Variants in FHIT observed in about 807,000 individuals in gnomAD.
FHIT encodes fragile histidine triad diadenosine triphosphatase, also known as bis(5'-adenosyl)-triphosphatase.
In FHIT, 19 loss-of-function variants were observed where a neutral mutation model predicts 17.9. The ratio of observed to expected loss-of-function variants is 1.06; its 90% CI spans 0.74 to 1.56. FHIT has a LOEUF of 1.56. Among genes scored for constraint, FHIT ranks in the 40% most tolerant of loss-of-function variants. The pLI, the probability that FHIT is intolerant of heterozygous loss-of-function variation, is 0.00. For synonymous variants in FHIT, 81 were observed against 69.7 expected (o/e 1.16, Z -0.81); for missense variants, 248 against 189.2 (o/e 1.31, Z -1.82).
chr3:60,346,296 A>T (rs1420168231), intron 5 of FHIT, among the ~76,000 whole-genome samples: 1 of 152,216 alleles, frequency 6.6e-6, no homozygotes, highest in East Asian at 1.9e-4. Flanking sequence ...AAATAACAAC[A>T]TGGTAAGGAT....
intron 5 of FHIT, among the ~76,000 whole-genome samples, chr3:60,448,060 G>A (rs998848460): frequency 1.3e-5 from 2 of 152,130 alleles, no homozygotes; most frequent in East Asian, 1.9e-4. Context: ...TATTATGTAG[G>A]TAGCTCAAGA....
intron 8 of FHIT, among the ~76,000 whole-genome samples, chr3:59,851,792 G>A (rs912080917): frequency 2.0e-5 from 3 of 152,142 alleles, no homozygotes; most frequent in African/African-American, 7.2e-5. Context: ...TCTTCTTGGA[G>A]GTGTTATTTT....
intron 5 of FHIT, among the ~76,000 whole-genome samples, chr3:60,462,570 G>A (rs537606155): frequency 1.3e-5 from 2 of 152,162 alleles, no homozygotes; most frequent in African/African-American, 4.8e-5. Context: ...CGGAAAGCAG[G>A]GTAGTGAAGA....
chr3:59,931,363 G>A (rs1460889466), intron 7 of FHIT, among the ~76,000 whole-genome samples: 4 of 152,088 alleles, frequency 2.6e-5, no homozygotes, highest in Non-Finnish European at 5.9e-5. Context: ...GTCGAGTCAA[G>A]GGTCAGCATG....
At chr3:60,438,873 C>G (rs551178298) in intron 5 of FHIT, among the ~76,000 whole-genome samples, 27 of 152,096 alleles carry the variant, frequency 1.8e-4, no homozygotes, top group Non-Finnish European at 3.7e-4. Context: ...CAATCTAGTT[C>G]CATCACCTCA....
chr3:60,238,534 T>A (rs1318638712), intron 5 of FHIT, among the ~76,000 whole-genome samples: 1 of 151,220 alleles, frequency 6.6e-6, no homozygotes, highest in Non-Finnish European at 1.5e-5. Context: ...AATAAAAGAT[T>A]AAAACATTTC....
intron 5 of FHIT, among the ~76,000 whole-genome samples, chr3:60,292,332 G>A (rs1280259884): frequency 1.3e-5 from 2 of 152,188 alleles, no homozygotes; most frequent in East Asian, 1.9e-4. Flanking sequence ...TACTGTAGTC[G>A]GATATCATCT....
Position 59,747,764 on chromosome 3 carries a change from C to T in FHIT, c.*1821G>A, listed in dbSNP as rs1293189066. ...GCTGACTCTTTGGTTTTCCCCCATG[C>T]ACCTTGTCTTCTTGATATGCCTGCA... On this transcript the variant is annotated 3_prime_UTR_variant, in exon 10 of 10. Coordinates refer to ENST00000492590, the MANE Select transcript of FHIT (RefSeq NM_002012.4). 6.6e-6 allele frequency among the ~76,000 whole-genome samples: 1 copy of T among 151,412 alleles called. No homozygotes were observed. The highest frequency in any genetic ancestry group is 6.6e-5 in the Admixed American group (1 of 15,232).
intron 4 of FHIT, among the ~76,000 whole-genome samples, chr3:60,723,369 A>G (rs1553708596): frequency 6.6e-6 from 1 of 152,152 alleles, no homozygotes; most frequent in Non-Finnish European, 1.5e-5. Context: ...CCCTACACTA[A>G]TATGACATTT....
chr3:60,122,282 A>T (rs1705293943), intron 5 of FHIT, among the ~76,000 whole-genome samples: 1 of 152,188 alleles, frequency 6.6e-6, no homozygotes, highest in African/African-American at 2.4e-5. Flanking sequence ...ACATCAACAG[A>T]TAAGATCCTA....
At chr3:60,013,904 AAAC>A in intron 6 of FHIT, 100 bp downstream of exon 6, 2 of 1,235,310 alleles carry the variant, frequency 1.6e-6, no homozygotes, top group Admixed American at 2.1e-5. Context: ...CCTAAAATAC[AAAC>A]AATCACATCT....
At chr3:60,997,508 G>A (rs981945823) in intron 3 of FHIT, among the ~76,000 whole-genome samples, 4 of 152,158 alleles carry the variant, frequency 2.6e-5, no homozygotes, top group Non-Finnish European at 4.4e-5. Flanking sequence ...GAGTGTTGAG[G>A]GGGGTGTGGA....
intron 8 of FHIT, among the ~76,000 whole-genome samples, chr3:59,809,405 G>A (rs1402684475): frequency 6.6e-6 from 1 of 152,222 alleles, no homozygotes; most frequent in Non-Finnish European, 1.5e-5. Context: ...GCATGATTCT[G>A]CTGACACTTT....
chr3:60,459,872 T>C (rs1026486729), intron 5 of FHIT, among the ~76,000 whole-genome samples: 12 of 152,118 alleles, frequency 7.9e-5, no homozygotes, highest in African/African-American at 2.7e-4. Flanking sequence ...TCAAATATAT[T>C]GGGGTTGGGG....
At chr3:60,258,798 G>GA (rs1174510613) in intron 5 of FHIT, among the ~76,000 whole-genome samples, 1 of 152,054 alleles carries the variant, frequency 6.6e-6, no homozygotes, top group Non-Finnish European at 1.5e-5. Context: ...ATTATTGGAT[G>GA]AAAAAATATG....
intron 4 of FHIT, among the ~76,000 whole-genome samples, chr3:60,721,062 A>T (rs2041798550): frequency 6.6e-6 from 1 of 152,128 alleles, no homozygotes; most frequent in Non-Finnish European, 1.5e-5. Context: ...TTCCATTATA[A>T]ATCTGTCATA....
chr3:60,712,524 G>A (rs1359863125), intron 4 of FHIT, among the ~76,000 whole-genome samples: 1 of 151,624 alleles, frequency 6.6e-6, no homozygotes, highest in African/African-American at 2.4e-5. Context: ...GCTGTATTCA[G>A]GAAACCCATC....
intron 3 of FHIT, among the ~76,000 whole-genome samples, chr3:60,932,245 G>A (rs967769088): frequency 1.3e-5 from 2 of 152,182 alleles, no homozygotes; most frequent in African/African-American, 4.8e-5. Context: ...GGTCAGGAAA[G>A]CAAAGCTCAC....
intron 5 of FHIT, among the ~76,000 whole-genome samples, chr3:60,045,023 T>C (rs894022476): frequency 6.6e-6 from 1 of 152,070 alleles, no homozygotes; most frequent in African/African-American, 2.4e-5. Flanking sequence ...CTTGTCCATA[T>C]TGGCCATCAT....
Sources: gnomAD v4.1 joint callset for allele counts (sites outside exome capture counted in the v4.1 genomes callset) on GRCh38, gnomAD v4.1.1 for gene constraint, MANE v1.5 for transcripts, NCBI Gene and HGNC (gene_info 2026-07-23, HGNC 2026-07-21) for gene names.